The following PALM2AKAP2 variants were observed in gnomAD, a reference collection of about 807,000 sequenced individuals.
PALM2AKAP2 encodes PALM2 and AKAP2 fusion, also known as PALM2-AKAP2 fusion protein.
Under a neutral mutation model 71.5 loss-of-function variants are expected in PALM2AKAP2, and 37 were observed. The ratio of observed to expected loss-of-function variants is 0.52; its 90% confidence interval spans 0.40 to 0.68. The LOEUF (loss-of-function observed/expected upper bound fraction) is 0.68. Among genes scored for constraint, PALM2AKAP2 ranks in the 30% least tolerant of loss-of-function variants. The pLI, the probability that PALM2AKAP2 is intolerant of heterozygous loss-of-function variation, is 0.00. For missense variants in PALM2AKAP2, 1,224 were observed against 1,191.8 expected, an observed-to-expected ratio of 1.03 and a Z score of -0.40; for synonymous variants, 468 against 478.8, an observed-to-expected ratio of 0.98 and a Z score of 0.29.
chr9:110,088,870 C>A (rs1834641288), intron 1 of PALM2AKAP2, among the ~76,000 whole-genome samples: 3 of 151,840 alleles, frequency 2.0e-5, no homozygotes, highest in Non-Finnish European at 4.4e-5. Context: ...CAGCTTCAAG[C>A]CACCACGCCC....
At chr9:109,688,077 A>G (rs2118536966) in intron 1 of PALM2AKAP2, among the ~76,000 whole-genome samples, 1 of 152,368 alleles carries the variant, frequency 6.6e-6, no homozygotes, top group South Asian at 2.1e-4. Context: ...CGATGGTAAC[A>G]TCAAAGATCA....
At chr9:110,008,768 A>G (rs1276823160) in intron 6 of PALM2AKAP2, among the ~76,000 whole-genome samples, 1 of 152,100 alleles carries the variant, frequency 6.6e-6, no homozygotes, top group African/African-American at 2.4e-5. Context: ...GGCTTAGGCT[A>G]ACAGAATTGC....
At chr9:109,712,210 A>G (rs964255345) in intron 1 of PALM2AKAP2, among the ~76,000 whole-genome samples, 1 of 152,172 alleles carries the variant, frequency 6.6e-6, no homozygotes, top group Non-Finnish European at 1.5e-5. Flanking sequence ...GCCGAAGTTC[A>G]TTGCTTACAG....
intron 1 of PALM2AKAP2, among the ~76,000 whole-genome samples, chr9:110,108,344 C>T (rs536088149): frequency 1.3e-5 from 2 of 152,216 alleles, no homozygotes; most frequent in Admixed American, 6.5e-5. Flanking sequence ...AACTCCTGAC[C>T]TCAGGTGATC....
chr9:109,755,806 T>G (rs6477722), intron 1 of PALM2AKAP2, among the ~76,000 whole-genome samples: 1 of 151,946 alleles, frequency 6.6e-6, no homozygotes, highest in Non-Finnish European at 1.5e-5. Context: ...AGGAGAGCCT[T>G]GCTAGAATGT....
At chr9:110,117,207 C>A (rs1835382751) in intron 1 of PALM2AKAP2, among the ~76,000 whole-genome samples, 1 of 152,180 alleles carries the variant, frequency 6.6e-6, no homozygotes, top group Non-Finnish European at 1.5e-5. Flanking sequence ...GCAGCCTCAA[C>A]CTCCCAGGCT....
chr9:109,857,577 T>C (rs890183965), intron 1 of PALM2AKAP2, among the ~76,000 whole-genome samples: 26 of 152,142 alleles, frequency 1.7e-4, no homozygotes, highest in African/African-American at 6.0e-4. Flanking sequence ...GAGGTGGCAG[T>C]GTAATAGGTT....
At chr9:109,677,667 CAA>C (rs33952632) in intron 1 of PALM2AKAP2, among the ~76,000 whole-genome samples, 79 of 98,598 alleles carry the variant, frequency 8.0e-4, no homozygotes, top group Non-Finnish European at 8.1e-4. Flanking sequence ...GACTCTGTCT[CAA>C]AAAAAAAAAA....
At chr9:109,968,044 A>G (rs1423812658) in intron 6 of PALM2AKAP2, among the ~76,000 whole-genome samples, 1 of 152,218 alleles carries the variant, frequency 6.6e-6, no homozygotes, top group Non-Finnish European at 1.5e-5. Flanking sequence ...GACCCAAACA[A>G]TGTTTGTTTG....
chr9:109,799,710 G>A (rs976682944), intron 1 of PALM2AKAP2, among the ~76,000 whole-genome samples: 3 of 152,180 alleles, frequency 2.0e-5, no homozygotes, highest in Non-Finnish European at 4.4e-5. Flanking sequence ...TCCCAGGCTT[G>A]TCTCGAACTC....
At chr9:109,862,039 T>C (rs1265319313) in intron 1 of PALM2AKAP2, among the ~76,000 whole-genome samples, 2 of 152,192 alleles carry the variant, frequency 1.3e-5, no homozygotes, top group East Asian at 3.9e-4. Context: ...AAGATCCTTG[T>C]CCTCAAGGAG....
At chr9:109,720,188 C>T (rs1169383939) in intron 1 of PALM2AKAP2, among the ~76,000 whole-genome samples, 1 of 152,104 alleles carries the variant, frequency 6.6e-6, no homozygotes, top group African/African-American at 2.4e-5. Context: ...GGGGTTTCAC[C>T]ATGTTGGCCA....
chr9:109,748,070 T>C (rs1310286825), intron 1 of PALM2AKAP2, among the ~76,000 whole-genome samples: 2 of 152,264 alleles, frequency 1.3e-5, no homozygotes, highest in Admixed American at 1.3e-4. Flanking sequence ...CTGATTTTTA[T>C]GCTCTTGGAA....
chr9:109,979,160 T>G (rs956508901), intron 6 of PALM2AKAP2, among the ~76,000 whole-genome samples: 1 of 152,062 alleles, frequency 6.6e-6, no homozygotes, highest in Non-Finnish European at 1.5e-5. Flanking sequence ...GCCCAGCTAA[T>G]TTTTGTATTT....
At chr9:110,103,383 G>T (rs890655885) in intron 1 of PALM2AKAP2, among the ~76,000 whole-genome samples, 1 of 152,180 alleles carries the variant, frequency 6.6e-6, no homozygotes, top group African/African-American at 2.4e-5. Context: ...TGCATAGCTT[G>T]TGCTAACCTT....
At chr9:109,665,176 C>T (rs934622895) in intron 1 of PALM2AKAP2, among the ~76,000 whole-genome samples, 1 of 152,178 alleles carries the variant, frequency 6.6e-6, no homozygotes, top group Non-Finnish European at 1.5e-5. Flanking sequence ...CCTTCTGAAG[C>T]CTCCTTCTGT....
chr9:109,957,074 T>C (rs1053669262), intron 6 of PALM2AKAP2, among the ~76,000 whole-genome samples: 2 of 152,192 alleles, frequency 1.3e-5, no homozygotes, highest in African/African-American at 4.8e-5. Context: ...GCTGTTCCTT[T>C]TATAAGGATT....
intron 1 of PALM2AKAP2, among the ~76,000 whole-genome samples, chr9:110,091,456 A>ATTTTTTTT (rs1194438639): frequency 4.5e-4 from 30 of 67,388 alleles, no homozygotes; most frequent in Non-Finnish European, 7.4e-4. Flanking sequence ...TTTGAGATTT[A>ATTTTTTTT]TTCTTTTTTT....
chr9:109,877,495 T>A (rs548554114), intron 2 of PALM2AKAP2, among the ~76,000 whole-genome samples: 2 of 152,270 alleles, frequency 1.3e-5, no homozygotes, highest in East Asian at 3.9e-4. Context: ...CCATAGAGTG[T>A]GTCTCAGAGC....
Sources: allele counts gnomAD v4.1 joint callset (sites outside exome capture counted in the v4.1 genomes callset), GRCh38; gene constraint gnomAD v4.1.1; transcripts MANE v1.5; gene names NCBI Gene and HGNC (gene_info 2026-07-23, HGNC 2026-07-21).